ZNF561: variants seen among roughly 807,000 people sequenced by gnomAD.
The protein encoded by ZNF561 is zinc finger protein 561.
In ZNF561, 16 loss-of-function variants were observed where a neutral mutation model predicts 16.7. The observed-to-expected ratio is 0.96, with a 90% CI of 0.65 to 1.45. The LOEUF (loss-of-function observed/expected upper bound fraction) is 1.45, where lower values mean the gene tolerates loss of function less well. Among genes scored for constraint, ZNF561 ranks in the 40% most tolerant of loss-of-function variants. ZNF561 has a pLI of 0.00. For synonymous variants in ZNF561, 190 were observed against 192.1 expected (o/e 0.99, Z 0.09); for missense variants, 580 against 578.0 (o/e 1.00, Z -0.04).
At position 9,616,602 on chromosome 19, in the gene ZNF561, T is replaced by A. The variant is rs181455631; in HGVS notation, c.241+443A>T. Among the ~76,000 whole-genome samples, 355 of 151,624 alleles carry A rather than the reference T, an allele frequency of 2.3e-3. 1 individual carries two copies. The highest frequency in any genetic ancestry group is 3.9e-3 in the Non-Finnish European group (262 of 67,868). On this transcript the variant is annotated intron_variant, in intron 4 of 5. Transcript: ENST00000302851. Reference sequence around the variant, plus strand: ...GGCCTAGTCTTCATTTTTAGGATTTTTTTTTTTGAGATGGAGTCTCAATCT... The same window carrying A: ...GGCCTAGTCTTCATTTTTAGGATTTATTTTTTTGAGATGGAGTCTCAATCT...
chr19:9,614,258 T>C (rs906291294), intron 4 of ZNF561, 155 bp from the exon 5 acceptor site: 18 of 792,140 alleles, frequency 2.3e-5, no homozygotes, highest in Middle Eastern at 2.3e-4. Context: ...GCTATAATGA[T>C]GTGGGGTTTA....
At chr19:9,614,282 G>A in intron 4 of ZNF561, 179 bp from the exon 5 acceptor site, 1 of 641,684 alleles carries the variant, frequency 1.6e-6, no homozygotes, top group Middle Eastern at 2.6e-4. Context: ...CATAACTGAT[G>A]TGTTTAGATA....
chr19:9,617,273 T>G, intron 3 of ZNF561, 102 bp from the exon 4 acceptor site: 2 of 1,454,054 alleles, frequency 1.4e-6, no homozygotes, highest in Non-Finnish European at 1.8e-6. Context: ...CACGTGGTTG[T>G]CAGGTCTCCC....
chr19:9,618,341 G>A (rs2074596909), intron 2 of ZNF561, among the ~76,000 whole-genome samples, 162 bp from the exon 3 acceptor site: 1 of 152,134 alleles, frequency 6.6e-6, no homozygotes, highest in African/African-American at 2.4e-5. Flanking sequence ...AGTAAGTCCT[G>A]TGTCAGCTAG....
At position 9,610,150 on chromosome 19, in the gene ZNF561, C is replaced by T. The variant is rs752815137; in HGVS notation, c.*50G>A. The T allele has an allele frequency of 6.7e-7, 1 of 1,487,686 alleles. No homozygotes were observed. The highest frequency in any genetic ancestry group is 2.3e-5 in the East Asian group (1 of 43,884). 92.2% of individuals were successfully genotyped at this position (1,487,686 alleles called of 1,614,324 possible). On this transcript the variant is annotated 3_prime_UTR_variant, in exon 6 of 6. Coordinates refer to ENST00000302851, the MANE Select transcript of ZNF561 (RefSeq NM_152289.3). ...CCTCCAAAAGGCATTTAGGACAAAT[C>T]TGATAATCTTTGGTGTCATTGCCAA... is the stretch of plus-strand genomic sequence containing the variant.
rs1455664114 is a variant in ZNF561 at position 9,610,196 on chromosome 19, T to C, written c.*4A>G. 29 of 1,556,518 alleles carry C rather than the reference T, an allele frequency of 1.9e-5. No homozygotes were observed. Among genetic ancestry groups the C allele is most frequent in the South Asian group, 2.4e-5 (2 of 83,544 alleles). On this transcript the variant is annotated 3_prime_UTR_variant, in exon 6 of 6. Coordinates refer to ENST00000302851, the MANE Select transcript of ZNF561 (RefSeq NM_152289.3). ...GCCAATAATTAAAGATGGCAACCGA[T>C]GGGCTAAATGGTAACACTCATATCC...
chr19:9,620,177 C>G (rs2074644459), intron 1 of ZNF561, among the ~76,000 whole-genome samples: 1 of 152,154 alleles, frequency 6.6e-6, no homozygotes, highest in African/African-American at 2.4e-5. Context: ...GCAACCTCTG[C>G]CTCCCAGGTG....
In ZNF561 at chr19:9,608,636, GAA is replaced by G. The variant is rs2074391832; in HGVS notation, c.*1562_*1563del. ...TGGAAAAATTCTGATGTGCAAGCTG[GAA>G]GTAAGGTTGGTAAGGGTGATCCTGG... On this transcript the variant is annotated 3_prime_UTR_variant, in exon 6 of 6. Coordinates refer to ENST00000302851, the MANE Select transcript of ZNF561 (RefSeq NM_152289.3). The G allele has an allele frequency of 6.6e-6, 1 of 152,176 alleles. No homozygotes were observed. The highest frequency in any genetic ancestry group is 1.9e-4 in the East Asian group (1 of 5,194). The allele number at this position is 152,176 out of a possible 1,614,324, so 9.4% of individuals were successfully genotyped here. A position where few individuals can be genotyped will look rare whatever the true frequency, so the allele number is the denominator to read the frequency against.
chr19:9,617,643 A>G, intron 3 of ZNF561: 1 of 457,002 alleles, frequency 2.2e-6, no homozygotes, highest in South Asian at 1.5e-5. Flanking sequence ...AGTAGCTGGA[A>G]TTACAGGCAT....
intron 3 of ZNF561, chr19:9,617,603 C>G: frequency 2.2e-6 from 1 of 452,444 alleles, no homozygotes; most frequent in Non-Finnish European, 4.5e-6. Flanking sequence ...ATCTCCTGGG[C>G]TGAAGTGGTC....
intron 5 of ZNF561, among the ~76,000 whole-genome samples, chr19:9,612,059 C>G (rs762115482): frequency 6.6e-6 from 1 of 152,108 alleles, no homozygotes; most frequent in Non-Finnish European, 1.5e-5. Flanking sequence ...TCCTGAGTAG[C>G]TGGGATTACA....
chr19:9,611,377 A>C (rs576689601), intron 5 of ZNF561, 41 bp from the exon 6 acceptor site: 2 of 1,549,272 alleles, frequency 1.3e-6, no homozygotes, highest in Non-Finnish European at 1.7e-6. Context: ...ATTTTCAGAC[A>C]TATTAAGAGA....
Position 9,610,585 on chromosome 19 carries a change from T to A in ZNF561, c.1076A>T (p.His359Leu). ...ACACTGATAGGGTTTCTTTCCACTG[T>A]GACTTCGTATGTGTATAGAAAGGCC... The part of the protein sequence containing the change: ...YSGLSIHIRS[H>L]SGKKPYQCKE... Residue 359 changes from histidine (H) to leucine (L), a missense_variant, in exon 6 of 6, where the codon CAC (histidine) becomes CTC (leucine). Transcript: ENST00000302851. The A allele has an allele frequency of 6.2e-7, 1 of 1,613,172 alleles. No homozygotes were observed. Among genetic ancestry groups the A allele is most frequent in the African/African-American group, 1.3e-5 (1 of 75,020 alleles).
Position 9,610,241 on chromosome 19 carries a change from C to T in ZNF561, c.1420G>A (p.Glu474Lys). 6.2e-7 allele frequency: 1 copy of T among 1,611,346 alleles called. No individual in the cohort carries two copies. The highest frequency in any genetic ancestry group is 8.5e-7 in the Non-Finnish European group (1 of 1,178,496). Residue 474 changes from glutamate (E) to lysine (K), a missense_variant, in exon 6 of 6, where the codon GAG (glutamate) becomes AAG (lysine). Transcript: ENST00000302851. ...ATATCCTTGCATTCATAGGGTTTCT[C>T]CCCAGTGTGAATTCTTTCATGTCTA... ...LSRHERIHTG[E>K]KPYECKDMSV...
chr19:9,611,324 T>G lies in ZNF561; in HGVS notation c.337A>C (p.Ser113Arg). 6.2e-7 allele frequency: 1 copy of G among 1,608,338 alleles called. No individual in the cohort carries two copies. Among genetic ancestry groups the G allele is most frequent in the Non-Finnish European group, 8.5e-7 (1 of 1,175,792 alleles). Residue 113 changes from serine (S) to arginine (R), a missense_variant, in exon 6 of 6, where the codon AGT becomes CGT. Physicochemically the swap from Ser to Arg is moderately radical, Grantham distance 110. Coordinates refer to ENST00000302851, the MANE Select transcript of ZNF561 (RefSeq NM_152289.3). Reference sequence around the variant, plus strand: ...TTACAGTCACAGAGTTTCCATCCACTGTAGCCTCTTGTCTGTTGATGACGA... The same window carrying G: ...TTACAGTCACAGAGTTTCCATCCACGGTAGCCTCTTGTCTGTTGATGACGA... ...FSGIQMTRGY[S>R]GWKLCDCKNC...
Position 9,617,049 on chromosome 19 carries a change from A to G in ZNF561, c.237T>C (p.Ser79=). 4 of 1,609,796 alleles carry G rather than the reference A, an allele frequency of 2.5e-6. No individual in the cohort carries two copies. Among genetic ancestry groups the G allele is most frequent in the Non-Finnish European group, 3.4e-6 (4 of 1,177,224 alleles). ...GCATAGTGATGTTACTCTTACCCAC[A>G]GAGGCCAGGTTCATGTAGTTCTCCA... The part of the protein sequence containing the change: ...VMLENYMNLA[S]VEWEIQPRTK... The change falls in exon 4 of 6, where the codon TCT becomes TCC. Residue 79 remains serine (S), a synonymous_variant. Coordinates refer to ENST00000302851, the MANE Select transcript of ZNF561 (RefSeq NM_152289.3).
At chr19:9,618,597 G>C (rs186164251) in intron 2 of ZNF561, among the ~76,000 whole-genome samples, 78 of 152,030 alleles carry the variant, frequency 5.1e-4, no homozygotes, top group Non-Finnish European at 1.0e-3. Flanking sequence ...GTGGTGGTGG[G>C]CATCTATAGT....
At chr19:9,617,391 A>T in intron 3 of ZNF561, 1 of 1,093,482 alleles carries the variant, frequency 9.1e-7, no homozygotes, top group Non-Finnish European at 1.1e-6. Flanking sequence ...ATTTTTTTAA[A>T]TCTTTTTTTG....
In ZNF561 at chr19:9,611,275, T is replaced by G. The variant is rs754983482; in HGVS notation, c.386A>C (p.Glu129Ala). 6.2e-7 allele frequency: 1 copy of G among 1,613,994 alleles called. No individual in the cohort carries two copies. The highest frequency in any genetic ancestry group is 8.5e-7 in the Non-Finnish European group (1 of 1,179,918). Residue 129 changes from glutamate (E) to alanine (A), a missense_variant, in exon 6 of 6, where the codon GAA (glutamate) becomes GCA (alanine). Glu to Ala is a moderately radical substitution (Grantham distance 107). Coordinates refer to ENST00000302851, the MANE Select transcript of ZNF561 (RefSeq NM_152289.3). ...DCKNCGEVFR[E>A]QFCLKTHMRV... ...CATGTGTGTCTTAAGGCAAAACTGT[T>G]CCCTGAAGACCTCTCCACAATTCTT...
Sources: allele counts gnomAD v4.1 joint callset (sites outside exome capture counted in the v4.1 genomes callset), GRCh38; gene constraint gnomAD v4.1.1; transcripts MANE v1.5; gene names NCBI Gene and HGNC (gene_info 2026-07-23, HGNC 2026-07-21).